FMNL3: variants seen among roughly 807,000 people sequenced by gnomAD.
The protein encoded by FMNL3 is formin like 3, also known as formin-like protein 3.
FMNL3 carries 57 observed loss-of-function variants against 119.6 expected under a neutral mutation model. The observed-to-expected ratio is 0.48, with a 90% CI of 0.39 to 0.59. FMNL3 has a LOEUF of 0.59. Among genes scored for constraint, FMNL3 ranks in the 20% least tolerant of loss-of-function variants. The pLI, the probability that FMNL3 is intolerant of heterozygous loss-of-function variation, is 0.00. For missense variants in FMNL3, 1,053 were observed against 1,323.5 expected (o/e 0.80, Z 3.17); for synonymous variants, 491 against 507.3 (o/e 0.97, Z 0.43).
In FMNL3 at chr12:49,649,204, C is replaced by T. The variant is rs374147488; in HGVS notation, c.2386-46G>A. 6.2e-7 allele frequency: 1 copy of T among 1,612,744 alleles called. No homozygotes were observed. Among genetic ancestry groups the T allele is most frequent in the East Asian group, 2.2e-5 (1 of 44,884 alleles). On this transcript the variant is annotated intron_variant, in intron 20 of 25. Coordinates refer to ENST00000335154, the MANE Select transcript of FMNL3 (RefSeq NM_175736.5). This position sits in a 1 kb window ranked among gnomAD's most constrained non-coding sequence, Gnocchi z 5.6. ...GGTGCACAAGAGCTAAGCACTCTGGCTCCACAACTGCTGCCCCCCAGGCTT... is the reference window on the plus strand; with the variant it reads ...GGTGCACAAGAGCTAAGCACTCTGGTTCCACAACTGCTGCCCCCCAGGCTT...
intron 4 of FMNL3, among the ~76,000 whole-genome samples, chr12:49,665,550 G>A (rs1036835762): frequency 6.6e-6 from 1 of 152,182 alleles, no homozygotes; most frequent in Non-Finnish European, 1.5e-5. Flanking sequence ...AGTCTCAACT[G>A]CTGTGGGAAT....
In FMNL3 at chr12:49,649,215, C is replaced by T. The variant is rs200205798; in HGVS notation, c.2385+44G>A. The T allele has an allele frequency of 1.2e-4, 192 of 1,613,174 alleles. No individual in the cohort carries two copies. The African/African-American group carries it at 2.2e-3, about 19-fold the overall frequency. On this transcript the variant is annotated intron_variant, in intron 20 of 25. Coordinates refer to ENST00000335154, the MANE Select transcript of FMNL3 (RefSeq NM_175736.5). The surrounding 1 kb of genome is among the most constrained non-coding windows in gnomAD (Gnocchi z 5.6). ...GCTAAGCACTCTGGCTCCACAACTG[C>T]TGCCCCCCAGGCTTCCTGGCCCACG...
Position 49,643,730 on chromosome 12 carries a change from C to G in FMNL3, c.*2085G>C. The G allele has an allele frequency of 4.3e-6, 7 of 1,614,136 alleles. No individual in the cohort carries two copies. The highest frequency in any genetic ancestry group is 5.9e-6 in the Non-Finnish European group (7 of 1,180,004). On this transcript the variant is annotated 3_prime_UTR_variant, in exon 26 of 26. Coordinates refer to ENST00000335154, the MANE Select transcript of FMNL3 (RefSeq NM_175736.5). ...AAAGCCAAGAAACCAAAAAAGAAAACTAAGAAGAGAAGACACAAGTCGGTG... is the reference window on the plus strand; with the variant it reads ...AAAGCCAAGAAACCAAAAAAGAAAAGTAAGAAGAGAAGACACAAGTCGGTG...
intron 1 of FMNL3, among the ~76,000 whole-genome samples, chr12:49,674,537 T>C (rs185500880): frequency 1.4e-4 from 21 of 152,336 alleles, no homozygotes; most frequent in African/African-American, 4.8e-4. Context: ...CACAGAAGCA[T>C]GTGAGTACAA....
intron 12 of FMNL3, 46 bp from the exon 13 acceptor site, chr12:49,653,373 G>A: frequency 6.3e-7 from 1 of 1,586,018 alleles, no homozygotes; most frequent in Non-Finnish European, 8.6e-7. Flanking sequence ...TAAAGCCTGG[G>A]CACTCAGCAC....
chr12:49,639,002 C>T lies in FMNL3; in HGVS notation c.*6813G>A, dbSNP rs1302865721. The T allele has an allele frequency of 2.0e-5, 3 of 152,178 alleles. No individual in the cohort carries two copies. The highest frequency in any genetic ancestry group is 1.3e-4 in the Admixed American group (2 of 15,286). 9.4% of individuals were successfully genotyped at this position (152,178 alleles called of 1,614,324 possible). A position where few individuals can be genotyped will look rare whatever the true frequency, so the allele number is the denominator to read the frequency against. ...TAAATTTAATATTTTAAATTACTTA[C>T]CATTAGGTAAGATGTATCATACTGT... is the stretch of plus-strand genomic sequence containing the variant. On this transcript the variant is annotated 3_prime_UTR_variant, in exon 26 of 26. Coordinates refer to ENST00000335154, the MANE Select transcript of FMNL3 (RefSeq NM_175736.5).
rs748541729 is a variant in FMNL3, at chr12:49,644,079, A to G, written c.*1736T>C. 56 of 1,614,076 alleles carry G rather than the reference A, an allele frequency of 3.5e-5. No individual in the cohort carries two copies. The South Asian group carries it at 5.7e-4, about 16-fold the overall frequency. On this transcript the variant is annotated 3_prime_UTR_variant, in exon 26 of 26. Coordinates refer to ENST00000335154, the MANE Select transcript of FMNL3 (RefSeq NM_175736.5). ...GGCCCTTAGTGCAGGCTAAGGGTGA[A>G]CTGTGCCTTTGCTCCAACAGACAGG...
intron 1 of FMNL3, among the ~76,000 whole-genome samples, chr12:49,683,715 T>A (rs1407379896): frequency 6.6e-6 from 1 of 151,988 alleles, no homozygotes; most frequent in Non-Finnish European, 1.5e-5. Context: ...CAACTCACAA[T>A]CTGACTATGA....
At chr12:49,666,759 T>A (rs1943903271) in intron 2 of FMNL3, among the ~76,000 whole-genome samples, 1 of 151,952 alleles carries the variant, frequency 6.6e-6, no homozygotes, top group Non-Finnish European at 1.5e-5. Flanking sequence ...ATCATGCCAT[T>A]GCACTCCAGC....
intron 5 of FMNL3, among the ~76,000 whole-genome samples, chr12:49,661,470 TAG>T (rs386762896): frequency 0.021 from 3,193 of 152,322 alleles, 111 homozygotes; most frequent in African/African-American, 0.073. Flanking sequence ...CCCTGCCTGC[TAG>T]AAAAAGACTC....
At chr12:49,706,681 T>C (rs568730152) in intron 1 of FMNL3, among the ~76,000 whole-genome samples, 49 of 152,192 alleles carry the variant, frequency 3.2e-4, no homozygotes, top group African/African-American at 1.1e-3. Flanking sequence ...CGCTTCTGAA[T>C]TCCCCCCACC....
At chr12:49,690,099 T>C (rs538686525) in intron 1 of FMNL3, among the ~76,000 whole-genome samples, 3 of 152,344 alleles carry the variant, frequency 2.0e-5, no homozygotes, top group South Asian at 2.1e-4. Context: ...ACAAACAGTA[T>C]TCCCACATTA....
Position 49,648,373 on chromosome 12 carries a change from C to A in FMNL3, c.2516-20G>T. 6.2e-7 allele frequency: 1 copy of A among 1,602,728 alleles called. No individual in the cohort carries two copies. Among genetic ancestry groups the A allele is most frequent in the Non-Finnish European group, 8.5e-7 (1 of 1,173,002 alleles). Reference sequence around the variant, plus strand: ...GGGACACTGGTCACCAAAAGCCTGGCTGAGGAATGCCTAGGGCCTGGCATG... The same window carrying A: ...GGGACACTGGTCACCAAAAGCCTGGATGAGGAATGCCTAGGGCCTGGCATG... On this transcript the variant is annotated intron_variant, in intron 21 of 25. Transcript: ENST00000335154.
chr12:49,693,387 G>T (rs918700023), intron 1 of FMNL3, among the ~76,000 whole-genome samples: 13 of 147,882 alleles, frequency 8.8e-5, no homozygotes, highest in South Asian at 4.3e-4. Context: ...ACTTTTTGTT[G>T]TTTTTTTTTT....
chr12:49,691,553 A>C (rs561670416), intron 1 of FMNL3, among the ~76,000 whole-genome samples: 1 of 152,354 alleles, frequency 6.6e-6, no homozygotes, highest in South Asian at 2.1e-4. Context: ...TAAATAATTT[A>C]AAATACAGCT....
At chr12:49,690,969 G>A (rs940425741) in intron 1 of FMNL3, among the ~76,000 whole-genome samples, 2 of 152,214 alleles carry the variant, frequency 1.3e-5, no homozygotes, top group South Asian at 2.1e-4. Context: ...CTTGAGCCCA[G>A]GAGGCTGAGG....
chr12:49,686,721 G>C (rs888622276), intron 1 of FMNL3, among the ~76,000 whole-genome samples: 2 of 151,818 alleles, frequency 1.3e-5, no homozygotes, highest in African/African-American at 4.8e-5. Flanking sequence ...TTCTCTTCAA[G>C]ACCAGAACAC....
chr12:49,678,993 G>A (rs765919921), intron 1 of FMNL3, among the ~76,000 whole-genome samples: 2 of 152,200 alleles, frequency 1.3e-5, no homozygotes, highest in Non-Finnish European at 2.9e-5. Flanking sequence ...AGCTAAGTAA[G>A]TAGGTGGCAT....
chr12:49,707,225 TCC>T lies in FMNL3; in HGVS notation c.-47_-46del. On this transcript the variant is annotated 5_prime_UTR_variant, in exon 1 of 26. Coordinates refer to ENST00000335154, the MANE Select transcript of FMNL3 (RefSeq NM_175736.5). The stretch of plus-strand genomic sequence containing the variant: ...GGGCCTCGGCCCCCCACCTCCACGC[TCC>T]GGAGCTTTCGGCTCCGCGGCTCCGA... 7.0e-7 allele frequency: 1 copy of T among 1,438,448 alleles called. No homozygotes were observed. The highest frequency in any genetic ancestry group is 1.5e-5 in the South Asian group (1 of 68,606). The allele number at this position is 1,438,448 out of a possible 1,614,324, so 89.1% of individuals were successfully genotyped here. A position where few individuals can be genotyped will look rare whatever the true frequency, so the allele number is the denominator to read the frequency against.
Sources: allele counts gnomAD v4.1 joint callset (sites outside exome capture counted in the v4.1 genomes callset), GRCh38; gene constraint gnomAD v4.1.1; non-coding constraint Gnocchi (gnomAD v3.1); transcripts MANE v1.5; gene names NCBI Gene and HGNC (gene_info 2026-07-23, HGNC 2026-07-21).